Variants in ADAP1 observed in about 807,000 individuals in gnomAD.
The protein encoded by ADAP1 is arf-GAP with dual PH domain-containing protein 1.
In ADAP1, 31 loss-of-function variants were observed where a neutral mutation model predicts 54.9. The observed-to-expected ratio is 0.56, with a 90% CI of 0.42 to 0.76. The LOEUF (loss-of-function observed/expected upper bound fraction) is 0.76. ADAP1 is among the 30% of genes least tolerant of loss of function. ADAP1 has a pLI of 0.00. For synonymous variants in ADAP1, 313 were observed against 202.6 expected (o/e 1.55, Z -4.63); for missense variants, 535 against 512.4 (o/e 1.04, Z -0.42).
rs1458508431 is a variant in ADAP1, at chr7:938,907, T to C, written c.83-3402A>G. ...AGGCTGAGCAACGGCCACCAACAGC[T>C]CCCGCCCAGCCCAGGGTCCAGAATG... On this transcript the variant is annotated intron_variant, in intron 1 of 10. Transcript: ENST00000265846. The surrounding 1 kb of genome is among the most constrained non-coding windows in gnomAD (Gnocchi z 4.4). 6.6e-6 allele frequency among the ~76,000 whole-genome samples: 1 copy of C among 152,054 alleles called. No individual in the cohort carries two copies. Among genetic ancestry groups the C allele is most frequent in the African/African-American group, 2.4e-5 (1 of 41,404 alleles).
At chr7:900,208 C>T (rs746314341) in intron 7 of ADAP1, 44 bp from the exon 8 acceptor site, 4 of 1,609,414 alleles carry the variant, frequency 2.5e-6, no homozygotes, top group Non-Finnish European at 3.4e-6. Context: ...AAGTGCAGCT[C>T]AGGCCGAGCC....
rs371222652 is a variant in ADAP1, at chr7:900,086, C to T, written c.795+16G>A. 212 of 1,612,824 alleles carry T rather than the reference C, an allele frequency of 1.3e-4. No individual in the cohort carries two copies. Among genetic ancestry groups the T allele is most frequent in the African/African-American group, 1.7e-4 (13 of 74,944 alleles). ...GTACCCCAGGCCACCCCAGGCCGCACGTGCGGCACACCCACCTTGGGCCCC... is the reference window on the plus strand; with the variant it reads ...GTACCCCAGGCCACCCCAGGCCGCATGTGCGGCACACCCACCTTGGGCCCC... On this transcript the variant is annotated intron_variant, in intron 8 of 10. Coordinates refer to ENST00000265846, the MANE Select transcript of ADAP1 (RefSeq NM_006869.4).
At chr7:944,706 C>A (rs1393519946) in intron 1 of ADAP1, among the ~76,000 whole-genome samples, 1 of 152,174 alleles carries the variant, frequency 6.6e-6, no homozygotes, top group Admixed American at 6.5e-5. Context: ...TGTATCATTT[C>A]TTTGTGTTAC....
intron 1 of ADAP1, among the ~76,000 whole-genome samples, chr7:952,885 A>T (rs1366492936): frequency 1.3e-5 from 2 of 151,960 alleles, no homozygotes; most frequent in Non-Finnish European, 2.9e-5. Flanking sequence ...GGCCGGGCAC[A>T]CCTGCACCCA....
intron 4 of ADAP1, among the ~76,000 whole-genome samples, chr7:919,341 G>A (rs1336603277): frequency 2.0e-5 from 3 of 152,158 alleles, no homozygotes; most frequent in African/African-American, 7.2e-5. Flanking sequence ...ACCAGCAGAG[G>A]AGGGGCCAGC....
At position 906,724 on chromosome 7, in the gene ADAP1, G is replaced by A. The variant is rs868488848; in HGVS notation, c.389-1552C>T. 1.1e-3 allele frequency among the ~76,000 whole-genome samples: 32 copies of A among 30,352 alleles called. 2 individuals are homozygous for A. The highest frequency in any genetic ancestry group is 7.6e-3 in the South Asian group (6 of 792). The allele number at this position is 30,352 out of a possible 152,430, so 19.9% of individuals were successfully genotyped here. A position where few individuals can be genotyped will look rare whatever the true frequency, so the allele number is the denominator to read the frequency against. ...ACATGGGGGACGGGACATCGGGGAC[G>A]GGACATGGGGGACAGAGTACATAGG... On this transcript the variant is annotated intron_variant, in intron 4 of 10. Coordinates refer to ENST00000265846, the MANE Select transcript of ADAP1 (RefSeq NM_006869.4).
chr7:901,473 G>A (rs1486807797), intron 6 of ADAP1: 1 of 172,038 alleles, frequency 5.8e-6, no homozygotes. Flanking sequence ...CTTTGGCCTT[G>A]ACTTTTGTCC....
upstream of ADAP1, chr7:955,293 C>G: frequency 6.5e-7 from 1 of 1,550,032 alleles, no homozygotes; most frequent in Non-Finnish European, 8.7e-7. Context: ...TTGATGTCAC[C>G]TCTTCCCAGA....
chr7:905,153 G>A lies in ADAP1; in HGVS notation c.408C>T (p.Leu136=). 5.6e-6 allele frequency: 9 copies of A among 1,612,106 alleles called. No individual in the cohort carries two copies. Among genetic ancestry groups the A allele is most frequent in the Non-Finnish European group, 7.6e-6 (9 of 1,179,876 alleles). The stretch of plus-strand genomic sequence containing the variant: ...GCCCGTTGTCCCGGCCACGCTTCCA[G>A]AGAAAACCCTCACGGTACCCTGTGG... ...PYSAGYREGF[L]WKRGRDNGQF... The change falls in exon 5 of 11, where the codon CTC becomes CTT. Residue 136 remains leucine, a synonymous_variant. Transcript: ENST00000265846.
intron 1 of ADAP1, among the ~76,000 whole-genome samples, chr7:940,556 G>A (rs1437538721): frequency 1.3e-5 from 2 of 152,170 alleles, no homozygotes; most frequent in Non-Finnish European, 2.9e-5. Flanking sequence ...ACTACCAAGT[G>A]TTGATGAGGA....
At position 899,496 on chromosome 7, in the gene ADAP1, G is replaced by T. The variant is rs1179470249; in HGVS notation, c.796-6C>A. ...TTCCGGAAGCCTTCCGTTTGCTGTG[G>T]GTCAGAGAGGGCCCGTGACCGGCAG... On this transcript the variant is annotated splice_region_variant and splice_polypyrimidine_tract_variant and intron_variant, in intron 8 of 10. Coordinates refer to ENST00000265846, the MANE Select transcript of ADAP1 (RefSeq NM_006869.4). 6.2e-7 allele frequency: 1 copy of T among 1,612,408 alleles called. No individual in the cohort carries two copies. The highest frequency in any genetic ancestry group is 1.1e-5 in the South Asian group (1 of 90,992).
At chr7:932,597 G>T (rs1846618855) in intron 2 of ADAP1, among the ~76,000 whole-genome samples, 1 of 152,158 alleles carries the variant, frequency 6.6e-6, no homozygotes, top group Non-Finnish European at 1.5e-5. Context: ...GATGGTCCAG[G>T]GGCCACCCTG....
Position 920,948 on chromosome 7 carries a change from G to A in ADAP1, c.306-898C>T. ...CTGCTGGGCCCACGTGAACAGCCTT[G>A]GAGACTGGGCGGGAATCCTCGCCCA... On this transcript the variant is annotated intron_variant, in intron 3 of 10. Coordinates refer to ENST00000265846, the MANE Select transcript of ADAP1 (RefSeq NM_006869.4). The surrounding 1 kb of genome is among the most constrained non-coding windows in gnomAD (Gnocchi z 4.5). The A allele has an allele frequency of 1.9e-5, 26 of 1,363,778 alleles. No individual in the cohort carries two copies. The highest frequency in any genetic ancestry group is 2.6e-5 in the Non-Finnish European group (26 of 988,066). The allele number at this position is 1,363,778 out of a possible 1,614,324, so 84.5% of individuals were successfully genotyped here. A position where few individuals can be genotyped will look rare whatever the true frequency, so the allele number is the denominator to read the frequency against.
chr7:935,638 G>T, intron 1 of ADAP1, 133 bp from the exon 2 acceptor site: 1 of 1,177,576 alleles, frequency 8.5e-7, no homozygotes, highest in Non-Finnish European at 1.2e-6. Flanking sequence ...GGTACACCAG[G>T]CTCCGTGCGC....
intron 2 of ADAP1, among the ~76,000 whole-genome samples, chr7:931,150 G>A (rs1282960442): frequency 6.6e-6 from 1 of 151,858 alleles, no homozygotes; most frequent in East Asian, 1.9e-4. Flanking sequence ...CAGGAGGGAA[G>A]GAAGGAGGGA....
Position 905,135 on chromosome 7 carries a change from G to C in ADAP1, c.426C>G (p.Asp142Glu). Residue 142 changes from aspartate to glutamate, a missense_variant, in exon 5 of 11, where the codon GAC becomes GAG. Transcript: ENST00000265846. ...ACTTCCGGCTCAAAAACTGCCCGTTGTCCCGGCCACGCTTCCAGAGAAAAC... is the reference window on the plus strand; with the variant it reads ...ACTTCCGGCTCAAAAACTGCCCGTTCTCCCGGCCACGCTTCCAGAGAAAAC... ...REGFLWKRGR[D>E]NGQFLSRKFV... The C allele has an allele frequency of 6.2e-7, 1 of 1,612,400 alleles. No homozygotes were observed. The highest frequency in any genetic ancestry group is 8.5e-7 in the Non-Finnish European group (1 of 1,179,904).
intron 1 of ADAP1, among the ~76,000 whole-genome samples, chr7:943,420 A>G (rs868310868): frequency 2.5e-4 from 2 of 7,846 alleles, no homozygotes; most frequent in Non-Finnish European, 4.8e-4. Flanking sequence ...GAGGAAGGGA[A>G]TGAGGAGGAG....
At chr7:918,016 T>C (rs1211584187) in intron 4 of ADAP1, among the ~76,000 whole-genome samples, 1 of 152,196 alleles carries the variant, frequency 6.6e-6, no homozygotes, top group Non-Finnish European at 1.5e-5. Flanking sequence ...CTTGAACTCC[T>C]GAGATCAGGA....
rs10698107 is a variant in ADAP1 at position 913,198 on chromosome 7, CTTTTTTTTTTT to C, written c.388+6759_388+6769del. On this transcript the variant is annotated intron_variant, in intron 4 of 10. Coordinates refer to ENST00000265846, the MANE Select transcript of ADAP1 (RefSeq NM_006869.4). The stretch of plus-strand genomic sequence containing the variant: ...AAAGGCTGCTGGCCTCCTCCCCTTC[CTTTTTTTTTTT>C]TTTTTTTTTGAGACGGAGTCTCGCT... Among the ~76,000 whole-genome samples the C allele has an allele frequency of 7.9e-4, 82 of 104,214 alleles. 1 individual carries two copies. Among genetic ancestry groups the C allele is most frequent in the African/African-American group, 2.6e-3 (69 of 26,858 alleles). 68.4% of individuals were successfully genotyped at this position (104,214 alleles called of 152,430 possible). A position where few individuals can be genotyped will look rare whatever the true frequency, so the allele number is the denominator to read the frequency against.
Sources: gnomAD v4.1 joint callset for allele counts (sites outside exome capture counted in the v4.1 genomes callset) on GRCh38, gnomAD v4.1.1 for gene constraint, Gnocchi (gnomAD v3.1) non-coding constraint, MANE v1.5 for transcripts, NCBI Gene and HGNC (gene_info 2026-07-23, HGNC 2026-07-21) for gene names.